UBL3: variants seen among roughly 807,000 people sequenced by gnomAD.
UBL3 encodes the protein ubiquitin like 3, also known as ubiquitin-like protein 3.
In UBL3, 6 loss-of-function variants were observed where a neutral mutation model predicts 18.4. That is an observed-to-expected ratio of 0.33 (90% CI 0.18 to 0.64). The LOEUF (loss-of-function observed/expected upper bound fraction) is 0.64. Ranked by LOEUF, UBL3 falls within the 30% of genes least tolerant of loss-of-function variation. The pLI is 0.76. For missense variants in UBL3, 109 were observed against 142.9 expected, an observed-to-expected ratio of 0.76 and a Z score of 1.21; for synonymous variants, 49 against 46.6, an observed-to-expected ratio of 1.05 and a Z score of -0.21.
chr13:29,795,791 G>T (rs891477013), intron 1 of UBL3, among the ~76,000 whole-genome samples: 1 of 148,064 alleles, frequency 6.8e-6, no homozygotes, highest in Non-Finnish European at 1.5e-5. Flanking sequence ...AGAGAGCCAT[G>T]TGTGGTGGTA....
chr13:29,837,445 T>C (rs1878984617), intron 1 of UBL3, among the ~76,000 whole-genome samples: 1 of 152,022 alleles, frequency 6.6e-6, no homozygotes, highest in South Asian at 2.1e-4. Context: ...AACATGAAGA[T>C]AGGTTGCTAG....
chr13:29,829,265 C>T (rs750804098), intron 1 of UBL3, among the ~76,000 whole-genome samples: 25 of 152,190 alleles, frequency 1.6e-4, no homozygotes, highest in Admixed American at 5.2e-4. Context: ...GCCTTTTGTT[C>T]GGCTGTGCCC....
intron 1 of UBL3, among the ~76,000 whole-genome samples, chr13:29,835,134 ATATATATATATATATAT>A (rs1878912780): frequency 1.3e-4 from 1 of 7,422 alleles, no homozygotes; most frequent in African/African-American, 6.3e-4. Context: ...AAATATATAT[ATATATATATATATATAT>A]ATATATATAT....
At chr13:29,788,284 T>C (rs1398777922) in intron 1 of UBL3, among the ~76,000 whole-genome samples, 1 of 152,228 alleles carries the variant, frequency 6.6e-6, no homozygotes, top group African/African-American at 2.4e-5. Context: ...AATTCCCAGA[T>C]TCCCTCTCTC....
At chr13:29,780,504 T>C (rs1300739150) in intron 1 of UBL3, among the ~76,000 whole-genome samples, 3 of 149,404 alleles carry the variant, frequency 2.0e-5, no homozygotes, top group African/African-American at 7.4e-5. Context: ...TAGAAACTGA[T>C]TGGTGAGAAG....
chr13:29,774,600 A>C (rs1333113739), intron 2 of UBL3, among the ~76,000 whole-genome samples: 1 of 152,154 alleles, frequency 6.6e-6, no homozygotes, highest in African/African-American at 2.4e-5. Context: ...TAGCTTCAGT[A>C]TCTCCCTGAC....
chr13:29,790,044 G>C (rs1433605501), intron 1 of UBL3, among the ~76,000 whole-genome samples: 1 of 152,182 alleles, frequency 6.6e-6, no homozygotes, highest in African/African-American at 2.4e-5. Flanking sequence ...TGGGGAAATG[G>C]TTTAATGCTT....
At position 29,777,182 on chromosome 13, in the gene UBL3, T is replaced by G; in HGVS notation, c.109A>C (p.Lys37Gln). The change falls in exon 2 of 5, where the codon AAG becomes CAG. Residue 37 changes from lysine to glutamine, a missense_variant. Lys to Gln is a moderately conservative substitution (Grantham distance 53). Coordinates refer to ENST00000380680, the MANE Select transcript of UBL3 (RefSeq NM_007106.4). ...ATTGGCCAATTGTCATATACATGCT[T>G]TGCAATGTCAGAAGCAGAATCGTTA... is the stretch of plus-strand genomic sequence containing the variant. ...SPNDSASDIA[K>Q]HVYDNWPMDW... The G allele has an allele frequency of 1.9e-6, 3 of 1,606,598 alleles. No homozygotes were observed. The highest frequency in any genetic ancestry group is 2.6e-6 in the Non-Finnish European group (3 of 1,176,318).
chr13:29,847,394 A>G (rs1457087086), intron 1 of UBL3, among the ~76,000 whole-genome samples: 4 of 152,234 alleles, frequency 2.6e-5, no homozygotes, highest in African/African-American at 9.6e-5. Flanking sequence ...ATCTCAAAGC[A>G]CCACAGAATC....
chr13:29,785,544 G>A (rs1379297972), intron 1 of UBL3, among the ~76,000 whole-genome samples: 3 of 152,030 alleles, frequency 2.0e-5, no homozygotes, highest in Non-Finnish European at 4.4e-5. Flanking sequence ...CTAGAGTTAT[G>A]AATTTATAAA....
In UBL3 at chr13:29,777,073, A is replaced by G. The variant is rs978047050; in HGVS notation, c.136+82T>C. On this transcript the variant is annotated intron_variant, in intron 2 of 4. Transcript: ENST00000380680. Reference sequence around the variant, plus strand: ...TTTCGGTTGTTCTTTTAAATGTTATATAACAGTTTCAAAATGTTTGTGAGA... The same window carrying G: ...TTTCGGTTGTTCTTTTAAATGTTATGTAACAGTTTCAAAATGTTTGTGAGA... The G allele has an allele frequency of 7.2e-6, 8 of 1,116,610 alleles. No individual in the cohort carries two copies. In the African/African-American group the frequency reaches 1.0e-4, roughly 14 times the overall value. The allele number at this position is 1,116,610 out of a possible 1,614,324, so 69.2% of individuals were successfully genotyped here.
At chr13:29,811,865 T>G (rs1366821800) in intron 1 of UBL3, among the ~76,000 whole-genome samples, 1 of 152,132 alleles carries the variant, frequency 6.6e-6, no homozygotes, top group Non-Finnish European at 1.5e-5. Context: ...TGGTTGTTTT[T>G]GCAGCTAAAA....
Position 29,766,222 on chromosome 13 carries a change from T to C in UBL3, c.*1033A>G, listed in dbSNP as rs1456790047. The C allele has an allele frequency of 6.6e-6, 1 of 152,524 alleles. No homozygotes were observed. Among genetic ancestry groups the C allele is most frequent in the East Asian group, 1.9e-4 (1 of 5,202 alleles). The allele number at this position is 152,524 out of a possible 1,614,324, so 9.4% of individuals were successfully genotyped here. A position where few individuals can be genotyped will look rare whatever the true frequency, so the allele number is the denominator to read the frequency against. On this transcript the variant is annotated 3_prime_UTR_variant, in exon 5 of 5. Transcript: ENST00000380680. ...GGCATTCTTGTGTATGCCATAAAAA[T>C]CAGCTTTTGACTTTAATACAATTGC... is the stretch of plus-strand genomic sequence containing the variant.
At chr13:29,788,870 T>TGCGCGC (rs1555232763) in intron 1 of UBL3, among the ~76,000 whole-genome samples, 38 of 20,934 alleles carry the variant, frequency 1.8e-3, no homozygotes, top group Admixed American at 0.016. Context: ...TGTGTGTGTG[T>TGCGCGC]GCGCGCGCGC....
intron 1 of UBL3, among the ~76,000 whole-genome samples, chr13:29,793,311 A>G (rs767262208): frequency 1.3e-5 from 2 of 152,208 alleles, no homozygotes; most frequent in Non-Finnish European, 2.9e-5. Flanking sequence ...CATGGACATG[A>G]AAAGACCAGA....
intron 1 of UBL3, among the ~76,000 whole-genome samples, chr13:29,821,464 G>A (rs532922933): frequency 5.3e-5 from 8 of 152,266 alleles, no homozygotes; most frequent in Non-Finnish European, 1.2e-4. Context: ...GAAGCCAGAT[G>A]TAATACCTTT....
chr13:29,790,152 A>G (rs1173927096), intron 1 of UBL3, among the ~76,000 whole-genome samples: 2 of 152,214 alleles, frequency 1.3e-5, no homozygotes, highest in African/African-American at 2.4e-5. Flanking sequence ...GATGACTGTT[A>G]AAGTTCCTCA....
chr13:29,791,416 T>G (rs543973496), intron 1 of UBL3, among the ~76,000 whole-genome samples: 1 of 152,216 alleles, frequency 6.6e-6, no homozygotes, highest in Non-Finnish European at 1.5e-5. Context: ...TATCTCCGTT[T>G]TATAGATGGT....
At chr13:29,825,387 G>A in intron 1 of UBL3, among the ~76,000 whole-genome samples, 1 of 152,060 alleles carries the variant, frequency 6.6e-6, no homozygotes. Context: ...TTGAGCAGTG[G>A]TTTGTAGTTC....
Sources: gnomAD v4.1 joint callset for allele counts (sites outside exome capture counted in the v4.1 genomes callset) on GRCh38, gnomAD v4.1.1 for gene constraint, MANE v1.5 for transcripts, NCBI Gene and HGNC (gene_info 2026-07-23, HGNC 2026-07-21) for gene names.